The following ZFHX3 variants were observed in gnomAD, a reference collection of about 807,000 sequenced individuals.
The protein encoded by ZFHX3 is zinc finger homeobox 3.
A neutral mutation model predicts 279.1 loss-of-function variants in ZFHX3; 42 were observed. The observed-to-expected ratio is 0.15, with a 90% confidence interval of 0.12 to 0.19. The LOEUF (loss-of-function observed/expected upper bound fraction) is 0.19. ZFHX3 is among the 10% of genes least tolerant of loss of function. ZFHX3 has a pLI of 1.00. For synonymous variants in ZFHX3, 2,293 were observed against 1,957.8 expected (o/e 1.17, Z -4.52); for missense variants, 4,981 against 4,754.0 (o/e 1.05, Z -1.40).
At chr16:73,654,125 A>G (rs887945203) in intron 2 of ZFHX3, among the ~76,000 whole-genome samples, 1 of 150,710 alleles carries the variant, frequency 6.6e-6, no homozygotes. Context: ...CGGAGCCTGC[A>G]GTGAGCCGAG....
rs1597301038 is a variant in ZFHX3, at chr16:73,361,017, G to A, written c.-1290-42681C>T. ...AAAACACACACATAAAAGCAAATAA[G>A]GAAATGGGGGCACTTTTGGCATTTT... is the stretch of plus-strand genomic sequence containing the variant. On this transcript the variant is annotated intron_variant, in intron 3 of 17. Coordinates refer to the ZFHX3 transcript ENST00000641206. Among the ~76,000 whole-genome samples, 2 of 152,152 alleles carry A rather than the reference G, an allele frequency of 1.3e-5. 1 individual carries two copies. The highest frequency in any genetic ancestry group is 4.1e-4 in the South Asian group (2 of 4,830).
chr16:73,024,338 T>C (rs1033757232), intron 1 of ZFHX3, among the ~76,000 whole-genome samples: 3 of 152,154 alleles, frequency 2.0e-5, no homozygotes, highest in African/African-American at 7.2e-5. Flanking sequence ...CGCCACTGAA[T>C]TGATGGCCAG....
chr16:72,871,606 C>T (rs1481454149), intron 4 of ZFHX3, among the ~76,000 whole-genome samples: 1 of 151,946 alleles, frequency 6.6e-6, no homozygotes, highest in African/African-American at 2.4e-5. Context: ...TCCCAAAGTG[C>T]TGGAATTACA....
chr16:73,546,749 C>T (rs1049498814), intron 2 of ZFHX3, among the ~76,000 whole-genome samples: 2 of 147,272 alleles, frequency 1.4e-5, no homozygotes, highest in African/African-American at 5.1e-5. Flanking sequence ...GCTTCTTTTT[C>T]GGCTTCTTCT....
At chr16:73,429,843 C>T (rs2017881628) in intron 3 of ZFHX3, among the ~76,000 whole-genome samples, 2 of 152,122 alleles carry the variant, frequency 1.3e-5, no homozygotes, top group Non-Finnish European at 2.9e-5. Context: ...TGGCTTGGGG[C>T]TCTGCCTTCC....
intron 5 of ZFHX3, among the ~76,000 whole-genome samples, chr16:73,197,729 A>G (rs1241402670): frequency 6.6e-6 from 1 of 152,156 alleles, no homozygotes; most frequent in African/African-American, 2.4e-5. Flanking sequence ...TCATTCATTC[A>G]TTATCACAAA....
intron 3 of ZFHX3, among the ~76,000 whole-genome samples, chr16:73,383,638 T>C (rs186315630): frequency 7.1e-6 from 1 of 141,516 alleles, no homozygotes; most frequent in Admixed American, 7.3e-5. Context: ...CCGAAATCCC[T>C]TGTGGAGCAA....
chr16:73,180,999 G>A (rs1967779210), intron 5 of ZFHX3, among the ~76,000 whole-genome samples: 1 of 152,132 alleles, frequency 6.6e-6, no homozygotes, highest in Non-Finnish European at 1.5e-5. Flanking sequence ...CCTTGAGTCA[G>A]AGAAATACCT....
intron 2 of ZFHX3, among the ~76,000 whole-genome samples, chr16:73,594,953 T>A (rs2052034054): frequency 6.6e-6 from 1 of 152,168 alleles, no homozygotes; most frequent in Admixed American, 6.5e-5. Context: ...AACTCAGGTA[T>A]GGCCCCACAA....
At chr16:73,879,905 A>C (rs1360892570) in intron 1 of ZFHX3, among the ~76,000 whole-genome samples, 1 of 152,102 alleles carries the variant, frequency 6.6e-6, no homozygotes, top group East Asian at 1.9e-4. Context: ...AGGGGGGCAA[A>C]ATTACACCCT....
chr16:73,694,583 C>T (rs1597070024), intron 1 of ZFHX3, among the ~76,000 whole-genome samples: 1 of 152,096 alleles, frequency 6.6e-6, no homozygotes, highest in Non-Finnish European at 1.5e-5. Flanking sequence ...ACCTCGTGAT[C>T]CATCCGCCTC....
chr16:73,362,378 C>T (rs1269437379), intron 3 of ZFHX3, among the ~76,000 whole-genome samples: 1 of 152,170 alleles, frequency 6.6e-6, no homozygotes, highest in Non-Finnish European at 1.5e-5. Flanking sequence ...CATGGGATGG[C>T]CCAGGAACAG....
intron 8 of ZFHX3, among the ~76,000 whole-genome samples, chr16:73,067,043 C>A (rs1252701640): frequency 3.4e-5 from 5 of 148,912 alleles, no homozygotes; most frequent in African/African-American, 1.2e-4. Flanking sequence ...GAGTGGAGAA[C>A]CCCCGGGGCC....
intron 1 of ZFHX3, among the ~76,000 whole-genome samples, chr16:73,748,294 C>T (rs184760229): frequency 2.0e-5 from 3 of 152,252 alleles, no homozygotes; most frequent in African/African-American, 7.2e-5. Flanking sequence ...AAAAGAAAAA[C>T]AGGTCTCTGC....
intron 4 of ZFHX3, among the ~76,000 whole-genome samples, chr16:73,273,909 G>A (rs1236388130): frequency 2.0e-5 from 3 of 152,184 alleles, no homozygotes; most frequent in Admixed American, 1.3e-4. Flanking sequence ...TTGGGAGGCC[G>A]AGGCGGGTGG....
chr16:73,757,506 A>G (rs2053822308), intron 1 of ZFHX3, among the ~76,000 whole-genome samples: 1 of 152,198 alleles, frequency 6.6e-6, no homozygotes, highest in African/African-American at 2.4e-5. Context: ...TCTCCCCATG[A>G]GGACAGTAGG....
At chr16:72,920,273 A>T (rs1406539280) in intron 3 of ZFHX3, among the ~76,000 whole-genome samples, 2 of 152,238 alleles carry the variant, frequency 1.3e-5, no homozygotes, top group African/African-American at 4.8e-5. Flanking sequence ...GCACAGAATT[A>T]GCCCACTTTA....
chr16:73,214,449 T>C (rs141012487), intron 5 of ZFHX3, among the ~76,000 whole-genome samples: 6 of 152,240 alleles, frequency 3.9e-5, no homozygotes, highest in Non-Finnish European at 7.4e-5. Flanking sequence ...GGAGGAAGAT[T>C]CCAAAATCTC....
intron 7 of ZFHX3, among the ~76,000 whole-genome samples, chr16:73,121,618 C>CTTT (rs35251426): frequency 2.9e-5 from 4 of 140,304 alleles, no homozygotes; most frequent in African/African-American, 7.9e-5. Context: ...TTGCAGCTTT[C>CTTT]TTTTTTTTTT....
Sources: allele counts gnomAD v4.1 joint callset (sites outside exome capture counted in the v4.1 genomes callset), GRCh38; gene constraint gnomAD v4.1.1; transcripts MANE v1.5; gene names NCBI Gene and HGNC (gene_info 2026-07-23, HGNC 2026-07-21).